Variants in USP13 observed in about 807,000 individuals in gnomAD.
The protein encoded by USP13 is ubiquitin specific peptidase 13.
USP13 carries 68 observed loss-of-function variants against 107.8 expected under a neutral mutation model. The ratio of observed to expected loss-of-function variants is 0.63; its 90% CI spans 0.52 to 0.77. USP13 has a LOEUF of 0.77. USP13 is among the 30% of genes least tolerant of loss of function. The pLI, the probability that USP13 is intolerant of heterozygous loss-of-function variation, is 0.00. For missense variants in USP13, 945 were observed against 1,093.3 expected (o/e 0.86, Z 1.91); for synonymous variants, 377 against 389.5 (o/e 0.97, Z 0.38).
intron 3 of USP13, among the ~76,000 whole-genome samples, chr3:179,691,745 A>G (rs985678682): frequency 3.9e-5 from 6 of 152,218 alleles, no homozygotes; most frequent in Non-Finnish European, 5.9e-5. Flanking sequence ...GCCTGCAATA[A>G]TGATGGCTCT....
At chr3:179,754,880 G>A (rs776487818) in intron 15 of USP13, 26 bp downstream of exon 15, 1 of 1,599,442 alleles carries the variant, frequency 6.3e-7, no homozygotes, top group Non-Finnish European at 8.5e-7. Flanking sequence ...AGGAGAATAT[G>A]CGCTACCCTC....
rs141192632 is a variant in USP13, at chr3:179,718,607, T to C, written c.806-1333T>C. On this transcript the variant is annotated intron_variant, in intron 6 of 20. Coordinates refer to ENST00000263966, the MANE Select transcript of USP13 (RefSeq NM_003940.3). ...GCTTGAAAATGTCTCTTCTGTCCTC[T>C]TCACCACACTGTGTGTGAGGATGGA... Among the ~76,000 whole-genome samples the C allele has an allele frequency of 4.9e-3, 741 of 152,304 alleles. 5 individuals carry two copies. In the Middle Eastern group the frequency reaches 0.058, roughly 12 times the overall value.
At chr3:179,758,077 T>C (rs1194248600) in intron 16 of USP13, among the ~76,000 whole-genome samples, 1 of 152,180 alleles carries the variant, frequency 6.6e-6, no homozygotes, top group Non-Finnish European at 1.5e-5. Flanking sequence ...GGTCTACAAC[T>C]CTACTTTTTA....
chr3:179,736,878 C>T (rs1714013539), intron 10 of USP13, among the ~76,000 whole-genome samples: 1 of 152,176 alleles, frequency 6.6e-6, no homozygotes, highest in African/African-American at 2.4e-5. Context: ...TTGCTATGGT[C>T]TGTGTTGGGG....
intron 6 of USP13, among the ~76,000 whole-genome samples, chr3:179,709,934 A>G (rs9865925): frequency 0.025 from 3,775 of 152,196 alleles, 167 homozygotes; most frequent in African/African-American, 0.087. Flanking sequence ...CTTTTCATTA[A>G]ATAAGGGGAC....
At position 179,730,168 on chromosome 3, in the gene USP13, C is replaced by T. The variant is rs925693026; in HGVS notation, c.1089-21C>T. 11 of 1,605,252 alleles carry T rather than the reference C, an allele frequency of 6.9e-6. No homozygotes were observed. In the African/African-American group the frequency reaches 1.1e-4, roughly 16 times the overall value. Reference sequence around the variant, plus strand: ...TCTTCTTGCAGTTGCTATGTTTTAACTATTGCCTCTCATTTTCTAGGTATG... The same window carrying T: ...TCTTCTTGCAGTTGCTATGTTTTAATTATTGCCTCTCATTTTCTAGGTATG... On this transcript the variant is annotated intron_variant, in intron 8 of 20. Coordinates refer to ENST00000263966, the MANE Select transcript of USP13 (RefSeq NM_003940.3).
intron 6 of USP13, among the ~76,000 whole-genome samples, chr3:179,711,370 G>A (rs943105076): frequency 5.3e-5 from 8 of 151,868 alleles, no homozygotes; most frequent in Non-Finnish European, 5.9e-5. Flanking sequence ...CCCCAACCAC[G>A]CCCAGGTAAT....
At chr3:179,708,992 G>A (rs2108483455) in intron 6 of USP13, 35 bp downstream of exon 6, 1 of 1,601,468 alleles carries the variant, frequency 6.2e-7, no homozygotes, top group African/African-American at 1.3e-5. Context: ...GGAACATGCA[G>A]TGGCTTCCTC....
chr3:179,734,285 G>A lies in USP13; in HGVS notation c.1254+3576G>A, dbSNP rs143509053. ...ATTTTAAGATTAACTTGCACTTGCA[G>A]TAGATAATAGTTACTATAAAAGGGC... On this transcript the variant is annotated intron_variant, in intron 10 of 20. Transcript: ENST00000263966. Among the ~76,000 whole-genome samples the A allele has an allele frequency of 2.7e-3, 415 of 152,282 alleles. 2 individuals carry two copies. Among genetic ancestry groups the A allele is most frequent in the African/African-American group, 9.6e-3 (399 of 41,560 alleles).
intron 1 of USP13, among the ~76,000 whole-genome samples, chr3:179,679,295 A>G (rs1017626669): frequency 6.6e-6 from 1 of 152,190 alleles, no homozygotes; most frequent in South Asian, 2.1e-4. Context: ...AATTTAAACA[A>G]ATTTTAAACA....
At chr3:179,756,060 A>G (rs1714781284) in intron 15 of USP13, among the ~76,000 whole-genome samples, 1 of 152,236 alleles carries the variant, frequency 6.6e-6, no homozygotes, top group African/African-American at 2.4e-5. Context: ...AAGATGGTTT[A>G]TTAGTACTGC....
chr3:179,709,499 G>A (rs1024070327), intron 6 of USP13, among the ~76,000 whole-genome samples: 2 of 152,158 alleles, frequency 1.3e-5, no homozygotes, highest in African/African-American at 4.8e-5. Context: ...ATTCTCCGGG[G>A]GATTAGAATT....
intron 8 of USP13, among the ~76,000 whole-genome samples, chr3:179,729,630 C>G (rs1182243837): frequency 6.6e-6 from 1 of 152,126 alleles, no homozygotes; most frequent in Non-Finnish European, 1.5e-5. Flanking sequence ...TGCCACTGCA[C>G]CTGGCTATTT....
chr3:179,745,359 C>T, intron 13 of USP13, 142 bp downstream of exon 13: 5 of 1,049,960 alleles, frequency 4.8e-6, no homozygotes, highest in Non-Finnish European at 6.8e-6. Context: ...GTTCACACAC[C>T]CTAACTGTCG....
intron 3 of USP13, among the ~76,000 whole-genome samples, chr3:179,691,474 T>A (rs1452938560): frequency 2.6e-5 from 4 of 152,216 alleles, no homozygotes; most frequent in Admixed American, 1.3e-4. Context: ...ATGTGAAGTA[T>A]GTACGTATGC....
At chr3:179,688,111 A>ATCCATCCATCCG (rs1166683002) in intron 2 of USP13, among the ~76,000 whole-genome samples, 4 of 149,548 alleles carry the variant, frequency 2.7e-5, no homozygotes, top group Non-Finnish European at 4.5e-5. Flanking sequence ...CCATCCATCC[A>ATCCATCCATCCG]TCCATCCATC....
At chr3:179,658,755 C>T (rs1434475215) in intron 1 of USP13, among the ~76,000 whole-genome samples, 1 of 152,160 alleles carries the variant, frequency 6.6e-6, no homozygotes, top group Non-Finnish European at 1.5e-5. Flanking sequence ...CACTGGCTCC[C>T]ATCCCCCATT....
At chr3:179,657,334 C>T (rs1224081338) in intron 1 of USP13, among the ~76,000 whole-genome samples, 5 of 151,808 alleles carry the variant, frequency 3.3e-5, no homozygotes, top group Non-Finnish European at 7.4e-5. Context: ...GTGGAGGTTG[C>T]AGTGAGCCAG....
chr3:179,655,372 G>A (rs1450381769), intron 1 of USP13, among the ~76,000 whole-genome samples: 1 of 152,056 alleles, frequency 6.6e-6, no homozygotes, highest in East Asian at 1.9e-4. Flanking sequence ...TACTATTCTA[G>A]AAACATCTCG....
Sources: gnomAD v4.1 joint callset for allele counts (sites outside exome capture counted in the v4.1 genomes callset) on GRCh38, gnomAD v4.1.1 for gene constraint, MANE v1.5 for transcripts, NCBI Gene and HGNC (gene_info 2026-07-23, HGNC 2026-07-21) for gene names.